CACNA2D3: variants seen among roughly 807,000 people sequenced by gnomAD.
The protein encoded by CACNA2D3 is voltage-dependent calcium channel subunit alpha-2/delta-3.
CACNA2D3 carries 60 observed loss-of-function variants against 160.6 expected under a neutral mutation model. That is an observed-to-expected ratio of 0.37 (90% CI 0.30 to 0.46). CACNA2D3 has a LOEUF of 0.46. Among genes scored for constraint, CACNA2D3 ranks in the 20% least tolerant of loss-of-function variants. The probability of loss-of-function intolerance (pLI) is 1.00; values close to 1 mark genes in which losing one functional copy is unlikely to be tolerated. For synonymous variants in CACNA2D3, 558 were observed against 492.9 expected (o/e 1.13, Z -1.75); for missense variants, 1,205 against 1,365.0 (o/e 0.88, Z 1.85).
At chr3:54,941,099 G>A (rs777822695) in intron 27 of CACNA2D3, among the ~76,000 whole-genome samples, 1 of 152,166 alleles carries the variant, frequency 6.6e-6, no homozygotes, top group Non-Finnish European at 1.5e-5. Flanking sequence ...CATGGTACGA[G>A]TAATGCCGTG....
At chr3:54,638,660 G>A (rs978475437) in intron 10 of CACNA2D3, 2 of 151,918 alleles carry the variant, frequency 1.3e-5, no homozygotes, top group Admixed American at 6.5e-5. Flanking sequence ...GGGACGAGTT[G>A]CACTGGGCAC....
rs116824332 is a variant in CACNA2D3 at position 55,012,668 on chromosome 3, G to A, written c.2875+3225G>A. Among the ~76,000 whole-genome samples the A allele has an allele frequency of 4.6e-3, 702 of 152,236 alleles. 5 individuals are homozygous for A. The highest frequency in any genetic ancestry group is 0.016 in the African/African-American group (661 of 41,542). On this transcript the variant is annotated intron_variant, in intron 34 of 37. Transcript: ENST00000474759. ...ATTTTTGCTGTCATAGCATGGGGGA[G>A]GAGGGTTCTTATTAGAATCTGGTGC...
At chr3:54,244,558 C>T (rs2056522487) in intron 2 of CACNA2D3, among the ~76,000 whole-genome samples, 1 of 152,060 alleles carries the variant, frequency 6.6e-6, no homozygotes, top group Non-Finnish European at 1.5e-5. Flanking sequence ...ATGCCTGGCT[C>T]ATAGGTAAGG....
At chr3:54,652,927 C>T (rs535189445) in intron 11 of CACNA2D3, among the ~76,000 whole-genome samples, 19 of 151,880 alleles carry the variant, frequency 1.3e-4, no homozygotes, top group Middle Eastern at 3.4e-3. Context: ...GGATGATAGG[C>T]GCACACCACC....
intron 3 of CACNA2D3, among the ~76,000 whole-genome samples, chr3:54,353,014 A>G (rs1011252082): frequency 6.6e-6 from 1 of 152,220 alleles, no homozygotes; most frequent in Admixed American, 6.5e-5. Context: ...CAGACAATTC[A>G]TTTACACTCT....
chr3:54,739,425 C>CAA (rs780105524), intron 11 of CACNA2D3, among the ~76,000 whole-genome samples: 42 of 85,278 alleles, frequency 4.9e-4, no homozygotes, highest in African/African-American at 1.3e-3. Context: ...GACTCTGTCT[C>CAA]AAAAAAAAAA....
chr3:54,568,107 T>G (rs1448166924), intron 6 of CACNA2D3, among the ~76,000 whole-genome samples: 2 of 152,228 alleles, frequency 1.3e-5, no homozygotes, highest in East Asian at 1.9e-4. Flanking sequence ...TGTATCAGTC[T>G]CTGTTCCTTT....
chr3:54,722,638 ACAGT>A (rs1011207967), intron 11 of CACNA2D3, among the ~76,000 whole-genome samples: 5 of 152,156 alleles, frequency 3.3e-5, no homozygotes, highest in East Asian at 1.9e-4. Context: ...TTTCCTTCTG[ACAGT>A]CAGGCCGCTC....
chr3:54,537,579 G>A (rs550472146), intron 5 of CACNA2D3, among the ~76,000 whole-genome samples: 10 of 152,202 alleles, frequency 6.6e-5, no homozygotes, highest in South Asian at 2.1e-4. Flanking sequence ...GAGGCCCTAC[G>A]CTGAGCACCA....
chr3:54,507,321 T>C (rs1353946364), intron 5 of CACNA2D3, among the ~76,000 whole-genome samples: 4 of 152,134 alleles, frequency 2.6e-5, no homozygotes, highest in Non-Finnish European at 5.9e-5. Context: ...ATAACCTCCT[T>C]GATTCTTTTT....
intron 21 of CACNA2D3, among the ~76,000 whole-genome samples, chr3:54,884,053 A>G (rs928774835): frequency 1.3e-5 from 2 of 152,182 alleles, no homozygotes; most frequent in South Asian, 2.1e-4. Context: ...GGCATATAGC[A>G]GATGCTCAGT....
intron 2 of CACNA2D3, among the ~76,000 whole-genome samples, chr3:54,290,503 A>G (rs1385773980): frequency 2.0e-5 from 3 of 151,966 alleles, no homozygotes; most frequent in Non-Finnish European, 4.4e-5. Flanking sequence ...CAGTGTGGCG[A>G]TTCCTCAGGG....
Position 54,896,936 on chromosome 3 carries a change from GGT to G in CACNA2D3, c.2368+69_2368+70del, listed in dbSNP as rs1700204439. ...CAGTGGGTCTGGGCATTGTGTGCAG[GGT>G]GTTGGGGAGCTGCCTGAATGCTGAA... On this transcript the variant is annotated intron_variant, in intron 26 of 37. Transcript: ENST00000474759. 4 of 1,602,252 alleles carry G rather than the reference GGT, an allele frequency of 2.5e-6. No individual in the cohort carries two copies. The South Asian group carries it at 3.3e-5, about 13-fold the overall frequency.
intron 2 of CACNA2D3, among the ~76,000 whole-genome samples, chr3:54,149,983 TC>T (rs1403199196): frequency 3.5e-5 from 4 of 113,708 alleles, no homozygotes; most frequent in Non-Finnish European, 6.9e-5. Flanking sequence ...CCTTCTTCCC[TC>T]CCCTCCCCCT....
At position 54,932,718 on chromosome 3, in the gene CACNA2D3, T is replaced by C. The variant is rs1431775793; in HGVS notation, c.2449+32850T>C. Among the ~76,000 whole-genome samples, 3 of 152,144 alleles carry C rather than the reference T, an allele frequency of 2.0e-5. 1 individual carries two copies. The South Asian group carries it at 6.2e-4, about 32-fold the overall frequency. On this transcript the variant is annotated intron_variant, in intron 27 of 37. Coordinates refer to ENST00000474759, the MANE Select transcript of CACNA2D3 (RefSeq NM_018398.3). ...AACAAATATGAGCATTTCTCCCAAT[T>C]GTAAGGTCTGCCTTGGTAAAGTCAT...
intron 27 of CACNA2D3, among the ~76,000 whole-genome samples, chr3:54,943,354 T>G (rs1188481129): frequency 1.3e-5 from 2 of 152,176 alleles, no homozygotes; most frequent in South Asian, 2.1e-4. Context: ...CAAGTTAAGA[T>G]TGCCGTTTTT....
intron 4 of CACNA2D3, among the ~76,000 whole-genome samples, chr3:54,424,778 T>G (rs965388100): frequency 2.0e-4 from 30 of 152,282 alleles, no homozygotes; most frequent in African/African-American, 7.0e-4. Context: ...ACATCCTGTA[T>G]TTCCCATATC....
chr3:54,442,981 C>T (rs1194669396), intron 4 of CACNA2D3, among the ~76,000 whole-genome samples: 1 of 152,178 alleles, frequency 6.6e-6, no homozygotes, highest in Non-Finnish European at 1.5e-5. Flanking sequence ...TGCCCCACAT[C>T]TCCCTGGGTC....
At chr3:54,654,301 TGCCCTCCGGG>T (rs1699835322) in intron 11 of CACNA2D3, among the ~76,000 whole-genome samples, 1 of 152,076 alleles carries the variant, frequency 6.6e-6, no homozygotes, top group Non-Finnish European at 1.5e-5. Context: ...GGGGTTAGGG[TGCCCTCCGGG>T]GCTTGGCAAA....
Sources: allele counts gnomAD v4.1 joint callset (sites outside exome capture counted in the v4.1 genomes callset), GRCh38; gene constraint gnomAD v4.1.1; transcripts MANE v1.5; gene names NCBI Gene and HGNC (gene_info 2026-07-23, HGNC 2026-07-21).